The following NANOS3 variants were observed in gnomAD, a reference collection of about 807,000 sequenced individuals.
NANOS3 encodes the protein nanos homolog 3.
A neutral mutation model predicts 13.8 loss-of-function variants in NANOS3; 11 were observed. The observed-to-expected ratio is 0.80, with a 90% CI of 0.50 to 1.32. The LOEUF (loss-of-function observed/expected upper bound fraction) is 1.32, where lower values mean the gene tolerates loss of function less well. NANOS3 is among the 40% of genes most tolerant of loss of function. NANOS3 has a pLI of 0.00. For missense variants in NANOS3, 221 were observed against 263.8 expected, an observed-to-expected ratio of 0.84 and a Z score of 1.12; for synonymous variants, 119 against 115.4, an observed-to-expected ratio of 1.03 and a Z score of -0.20.
chr19:13,876,300 A>G (rs1349109277), upstream of NANOS3, among the ~76,000 whole-genome samples: 1 of 134,784 alleles, frequency 7.4e-6, no homozygotes, highest in Non-Finnish European at 1.5e-5. Context: ...CACCATGCCC[A>G]GCTAATTTTG....
At chr19:13,876,190 G>A (rs1315906876), upstream of NANOS3, among the ~76,000 whole-genome samples, 1 of 152,204 alleles carries the variant, frequency 6.6e-6, no homozygotes, top group African/African-American at 2.4e-5. Context: ...CCAGGCTGGA[G>A]TGCAGTGGCT....
upstream of NANOS3, among the ~76,000 whole-genome samples, chr19:13,876,348 C>T (rs1968511709): frequency 6.6e-6 from 1 of 151,922 alleles, no homozygotes; most frequent in South Asian, 2.1e-4. Flanking sequence ...TTAGTAGAGA[C>T]AGGGTTTCAC....
chr19:13,872,405 A>G (rs1976342252), upstream of NANOS3, among the ~76,000 whole-genome samples: 1 of 151,148 alleles, frequency 6.6e-6, no homozygotes, highest in Admixed American at 6.6e-5. Context: ...TTTCCAGGCT[A>G]GTCTCAACTT....
At chr19:13,869,530 G>C (rs919863755) in intron 1 of NANOS3, among the ~76,000 whole-genome samples, 4 of 152,090 alleles carry the variant, frequency 2.6e-5, no homozygotes, top group Admixed American at 2.6e-4. Context: ...GAAAGGAAGT[G>C]GGGGAGGTGG....
upstream of NANOS3, among the ~76,000 whole-genome samples, chr19:13,875,725 G>A (rs1199061407): frequency 2.0e-5 from 3 of 150,734 alleles, no homozygotes; most frequent in African/African-American, 4.9e-5. Context: ...TCGAAAAAGT[G>A]TTTTTGTAGG....
intron 1 of NANOS3, among the ~76,000 whole-genome samples, chr19:13,870,195 T>C (rs978831350): frequency 1.9e-4 from 29 of 152,050 alleles, no homozygotes; most frequent in African/African-American, 6.8e-4. Context: ...TCCTCCCACC[T>C]CAGCCTCCCA....
At chr19:13,862,944 G>A (rs1976179702), upstream of NANOS3, among the ~76,000 whole-genome samples, 1 of 152,214 alleles carries the variant, frequency 6.6e-6, no homozygotes, top group Non-Finnish European at 1.5e-5. Flanking sequence ...TGGCCTGCTG[G>A]GAAGAATCTG....
At chr19:13,865,844 C>T (rs1428501621) in intron 1 of NANOS3, among the ~76,000 whole-genome samples, 3 of 146,268 alleles carry the variant, frequency 2.1e-5, no homozygotes, top group Non-Finnish European at 3.0e-5. Context: ...AGGCCACGGG[C>T]CGGGGCGGCG....
upstream of NANOS3, among the ~76,000 whole-genome samples, chr19:13,865,241 C>A (rs1976214487): frequency 7.0e-6 from 1 of 142,316 alleles, no homozygotes; most frequent in Non-Finnish European, 1.5e-5. Flanking sequence ...GGCGGGCGGG[C>A]GGCGGCGGCC....
chr19:13,866,360 T>C (rs1381416845), intron 1 of NANOS3, among the ~76,000 whole-genome samples: 1 of 151,286 alleles, frequency 6.6e-6, no homozygotes, highest in Non-Finnish European at 1.5e-5. Context: ...CCCCCATCTC[T>C]TTCCCTACCC....
chr19:13,872,344 CAAA>C (rs34571178), upstream of NANOS3, among the ~76,000 whole-genome samples: 39 of 121,700 alleles, frequency 3.2e-4, no homozygotes, highest in African/African-American at 3.8e-4. Flanking sequence ...GACTCCATCT[CAAA>C]AAAAAAAAAA....
At chr19:13,862,232 G>A (rs1976168846), upstream of NANOS3, 1 of 152,266 alleles carries the variant, frequency 6.6e-6, no homozygotes, top group Non-Finnish European at 1.5e-5. Flanking sequence ...CTTCTAGGGG[G>A]CTTTATTTAA....
Sources: gnomAD v4.1 joint callset for allele counts (sites outside exome capture counted in the v4.1 genomes callset) on GRCh38, gnomAD v4.1.1 for gene constraint, MANE v1.5 for transcripts, NCBI Gene and HGNC (gene_info 2026-07-23, HGNC 2026-07-21) for gene names.